KALRN: variants seen among roughly 807,000 people sequenced by gnomAD.
The protein encoded by KALRN is kalirin.
KALRN carries 70 observed loss-of-function variants against 353.7 expected under a neutral mutation model. The ratio of observed to expected loss-of-function variants is 0.20; its 90% CI spans 0.16 to 0.24. The LOEUF is 0.24. Among genes scored for constraint, KALRN ranks in the 10% least tolerant of loss-of-function variants. KALRN has a pLI of 1.00. For missense variants in KALRN, 2,791 were observed against 3,756.7 expected (o/e 0.74, Z 6.72); for synonymous variants, 1,391 against 1,434.8 (o/e 0.97, Z 0.69).
chr3:124,039,496 C>A (rs1254375973), intron 1 of KALRN, among the ~76,000 whole-genome samples: 1 of 152,190 alleles, frequency 6.6e-6, no homozygotes, highest in Non-Finnish European at 1.5e-5. Flanking sequence ...TCAAACATGG[C>A]AAAATATAAG....
chr3:124,526,892 C>T (rs2067639368), intron 33 of KALRN, among the ~76,000 whole-genome samples: 1 of 152,190 alleles, frequency 6.6e-6, no homozygotes, highest in Admixed American at 6.5e-5. Flanking sequence ...TCACATCATT[C>T]ATTTATTCAT....
chr3:124,262,567 G>T (rs1476992058), intron 3 of KALRN, among the ~76,000 whole-genome samples: 1 of 152,154 alleles, frequency 6.6e-6, no homozygotes, highest in Admixed American at 6.5e-5. Flanking sequence ...ATGCAGGATT[G>T]GGGAGAATAC....
In KALRN at chr3:124,441,960, C is replaced by T. The variant is rs1308494409; in HGVS notation, c.3214C>T (p.Arg1072Trp). The change falls in exon 19 of 60, where the codon CGG (arginine) becomes TGG (tryptophan). Residue 1072 changes from arginine to tryptophan, a missense_variant. Coordinates refer to ENST00000682506, the MANE Select transcript of KALRN (RefSeq NM_001388419.1). ...TCTTTCGCAGGCCTGCACCCTGGCT[C>T]GGCGGAATGCTGAGGTGTTTCTCAA... ...EAFLKACTLA[R>W]RNAEVFLKYI... 1 of 1,590,052 alleles carries T rather than the reference C, an allele frequency of 6.3e-7. No individual in the cohort carries two copies. The highest frequency in any genetic ancestry group is 8.6e-7 in the Non-Finnish European group (1 of 1,163,406).
intron 33 of KALRN, among the ~76,000 whole-genome samples, chr3:124,532,779 C>T (rs948817530): frequency 5.3e-5 from 8 of 151,824 alleles, no homozygotes; most frequent in African/African-American, 1.7e-4. Flanking sequence ...CCAGCTTGGG[C>T]GACAGAGGAA....
intron 27 of KALRN, 142 bp from the exon 28 acceptor site, chr3:124,482,666 C>T (rs1022841180): frequency 1.6e-6 from 1 of 623,426 alleles, no homozygotes; most frequent in East Asian, 2.7e-5. Context: ...ACTCCCCTCT[C>T]CCTATGAAAG....
At chr3:124,133,232 C>T (rs2065512925) in intron 1 of KALRN, among the ~76,000 whole-genome samples, 1 of 152,070 alleles carries the variant, frequency 6.6e-6, no homozygotes, top group African/African-American at 2.4e-5. Flanking sequence ...TTGGAAACAG[C>T]CCAACTCCAT....
chr3:124,104,544 A>G (rs1452352128), intron 1 of KALRN, among the ~76,000 whole-genome samples: 3 of 152,164 alleles, frequency 2.0e-5, no homozygotes, highest in African/African-American at 7.2e-5. Context: ...GATTGGGGCT[A>G]CCTTGTGAAG....
At chr3:124,156,819 G>A (rs2069068146) in intron 1 of KALRN, among the ~76,000 whole-genome samples, 1 of 152,132 alleles carries the variant, frequency 6.6e-6, no homozygotes, top group Non-Finnish European at 1.5e-5. Context: ...TGTCCCAATT[G>A]TCATGCCTTA....
intron 1 of KALRN, among the ~76,000 whole-genome samples, chr3:124,189,935 CAAA>C (rs1218193851): frequency 7.2e-5 from 5 of 69,446 alleles, no homozygotes; most frequent in African/African-American, 1.9e-4. Flanking sequence ...AAGACTCTGT[CAAA>C]AAAAAAAAAA....
At chr3:124,664,370 T>TGTGTGTGTGCGCGC (rs370394911) in intron 45 of KALRN, among the ~76,000 whole-genome samples, 11 of 129,564 alleles carry the variant, frequency 8.5e-5, no homozygotes, top group African/African-American at 3.2e-4. Flanking sequence ...TGTGTGTGTG[T>TGTGTGTGTGCGCGC]GCGCGCGCGC....
chr3:124,547,069 C>A (rs760055341), intron 33 of KALRN, among the ~76,000 whole-genome samples: 29 of 152,156 alleles, frequency 1.9e-4, no homozygotes, highest in Non-Finnish European at 4.0e-4. Context: ...GGTTTGAAGT[C>A]GACCAAAACC....
At chr3:124,271,957 G>A (rs910217952) in intron 5 of KALRN, among the ~76,000 whole-genome samples, 12 of 152,148 alleles carry the variant, frequency 7.9e-5, no homozygotes, top group Admixed American at 5.9e-4. Context: ...CACAGGTTCC[G>A]ACTTATAAGT....
At chr3:124,094,238 A>AG (rs1320866795) in intron 1 of KALRN, 1 of 157,452 alleles carries the variant, frequency 6.4e-6, no homozygotes, top group African/African-American at 2.4e-5. Flanking sequence ...GGTTCCATGA[A>AG]GGGACGTAGG....
At chr3:124,487,349 C>G (rs1431163414) in intron 28 of KALRN, among the ~76,000 whole-genome samples, 1 of 152,090 alleles carries the variant, frequency 6.6e-6, no homozygotes, top group African/African-American at 2.4e-5. Flanking sequence ...TGAGGAAATA[C>G]AAAAGAAAGG....
intron 34 of KALRN, among the ~76,000 whole-genome samples, chr3:124,628,695 C>A (rs1336115458): frequency 6.6e-6 from 1 of 151,418 alleles, no homozygotes; most frequent in Non-Finnish European, 1.5e-5. Flanking sequence ...CATGCCTCAG[C>A]CTCCCAAGTA....
chr3:124,406,149 C>T (rs773720954), intron 13 of KALRN, among the ~76,000 whole-genome samples: 1 of 152,024 alleles, frequency 6.6e-6, no homozygotes, highest in Non-Finnish European at 1.5e-5. Context: ...TTTCCAAGTC[C>T]CTTTGCTTTT....
intron 48 of KALRN, among the ~76,000 whole-genome samples, chr3:124,672,406 ATAGAG>A (rs1208935576): frequency 2.0e-5 from 3 of 152,224 alleles, no homozygotes; most frequent in Non-Finnish European, 2.9e-5. Context: ...TTTTTGCTAA[ATAGAG>A]TAGTTTCAGT....
chr3:124,680,079 C>G (rs1014975026), intron 51 of KALRN, among the ~76,000 whole-genome samples: 1 of 152,222 alleles, frequency 6.6e-6, no homozygotes. Flanking sequence ...GTAATTGTAG[C>G]AACTCCAGAG....
chr3:124,542,645 T>C (rs145074421), intron 33 of KALRN, among the ~76,000 whole-genome samples: 1 of 152,198 alleles, frequency 6.6e-6, no homozygotes, highest in Non-Finnish European at 1.5e-5. Flanking sequence ...ATTCCTAGAG[T>C]GCTTTGTTCA....
Sources: gnomAD v4.1 joint callset for allele counts (sites outside exome capture counted in the v4.1 genomes callset) on GRCh38, gnomAD v4.1.1 for gene constraint, MANE v1.5 for transcripts, NCBI Gene and HGNC (gene_info 2026-07-23, HGNC 2026-07-21) for gene names.